Variants in CNGA1 observed in about 807,000 individuals in gnomAD.
CNGA1 encodes cyclic nucleotide-gated channel alpha-1.
Under a neutral mutation model 69.7 loss-of-function variants are expected in CNGA1, and 53 were observed. The ratio of observed to expected loss-of-function variants is 0.76; its 90% CI spans 0.61 to 0.96. CNGA1 has a LOEUF of 0.96. Among genes scored for constraint, CNGA1 ranks in the 40% least tolerant of loss-of-function variants. CNGA1 has a pLI of 0.00. For missense variants in CNGA1, 739 were observed against 811.2 expected, an observed-to-expected ratio of 0.91 and a Z score of 1.08; for synonymous variants, 249 against 283.5, an observed-to-expected ratio of 0.88 and a Z score of 1.22.
At chr4:48,012,636 T>C (rs1249008714) in intron 1 of CNGA1, among the ~76,000 whole-genome samples, 1 of 147,632 alleles carries the variant, frequency 6.8e-6, no homozygotes, top group Non-Finnish European at 1.5e-5. Flanking sequence ...AATTTGGAAC[T>C]TTCCTTTGGA....
chr4:47,987,143 AC>A (rs1033906376), intron 2 of CNGA1, among the ~76,000 whole-genome samples: 31 of 152,158 alleles, frequency 2.0e-4, no homozygotes, highest in Non-Finnish European at 4.3e-4. Flanking sequence ...TTAGTAGGCT[AC>A]TTTTAATCTT....
At chr4:47,962,897 AAAC>A (rs2110181328) in intron 3 of CNGA1, among the ~76,000 whole-genome samples, 1 of 152,358 alleles carries the variant, frequency 6.6e-6, no homozygotes, top group African/African-American at 2.4e-5. Flanking sequence ...CTGTTTAAGC[AAAC>A]AACACTAATT....
At chr4:47,971,772 T>C (rs1486629767) in intron 3 of CNGA1, among the ~76,000 whole-genome samples, 5 of 152,138 alleles carry the variant, frequency 3.3e-5, no homozygotes, top group Non-Finnish European at 7.3e-5. Flanking sequence ...CATGCGCCTG[T>C]AGTCCCAGCT....
At chr4:47,942,231 T>C (rs1739127381) in intron 8 of CNGA1, 83 bp from the exon 9 acceptor site, 7 of 857,224 alleles carry the variant, frequency 8.2e-6, no homozygotes, top group Non-Finnish European at 1.2e-5. Context: ...GTTATGCCCA[T>C]CAACCACAAT....
intron 4 of CNGA1, among the ~76,000 whole-genome samples, 177 bp from the exon 5 acceptor site, chr4:47,951,646 A>G (rs1264100497): frequency 1.3e-5 from 2 of 152,270 alleles, no homozygotes; most frequent in Non-Finnish European, 2.9e-5. Context: ...ATAGAATTAT[A>G]TAAAATATGT....
intron 2 of CNGA1, among the ~76,000 whole-genome samples, chr4:47,990,891 C>T (rs940648730): frequency 2.0e-5 from 3 of 152,154 alleles, no homozygotes; most frequent in Non-Finnish European, 4.4e-5. Context: ...CGAGAATATA[C>T]AATATTTGGT....
intron 2 of CNGA1, among the ~76,000 whole-genome samples, chr4:47,982,265 T>C (rs1046249417): frequency 7.9e-5 from 12 of 152,228 alleles, no homozygotes; most frequent in African/African-American, 2.9e-4. Flanking sequence ...TTCCATCTAT[T>C]AGCTCCAAAA....
chr4:48,009,105 G>A (rs1715038904), intron 2 of CNGA1, among the ~76,000 whole-genome samples: 1 of 152,180 alleles, frequency 6.6e-6, no homozygotes, highest in South Asian at 2.1e-4. Context: ...AAACAAAAAT[G>A]TATGCTGGCA....
At chr4:47,985,333 G>C (rs1317495947) in intron 2 of CNGA1, among the ~76,000 whole-genome samples, 1 of 151,960 alleles carries the variant, frequency 6.6e-6, no homozygotes, top group Non-Finnish European at 1.5e-5. Flanking sequence ...AATATACCAG[G>C]GTTAATTAGA....
chr4:47,990,255 T>C (rs1742199489), intron 2 of CNGA1, among the ~76,000 whole-genome samples: 1 of 151,868 alleles, frequency 6.6e-6, no homozygotes, highest in Non-Finnish European at 1.5e-5. Flanking sequence ...AGAAAGCGAG[T>C]AGGAGAAATA....
chr4:48,006,625 A>G (rs1714930199), intron 2 of CNGA1, among the ~76,000 whole-genome samples: 1 of 146,628 alleles, frequency 6.8e-6, no homozygotes, highest in African/African-American at 2.5e-5. Flanking sequence ...TCAAAAAAAG[A>G]CATAATTTTT....
rs574307427 is a variant in CNGA1, at chr4:47,945,976, T to C, written c.288-2564A>G. On this transcript the variant is annotated intron_variant, in intron 6 of 10. Transcript: ENST00000514170. ...GTATAAGTGTAATGTACATAATTCC[T>C]GAATACAAAAGGGAAATGTATATAG... is the stretch of plus-strand genomic sequence containing the variant. Among the ~76,000 whole-genome samples, 4 of 152,302 alleles carry C rather than the reference T, an allele frequency of 2.6e-5. No individual in the cohort carries two copies. In the East Asian group the frequency reaches 7.7e-4, roughly 29 times the overall value.
intron 1 of CNGA1, among the ~76,000 whole-genome samples, chr4:48,011,767 G>A (rs1303983085): frequency 6.6e-6 from 1 of 152,192 alleles, no homozygotes; most frequent in Admixed American, 6.5e-5. Flanking sequence ...CTTCCAGGCT[G>A]TAGGCAAATT....
chr4:48,000,344 C>T (rs1560312793), intron 2 of CNGA1, among the ~76,000 whole-genome samples: 5 of 150,548 alleles, frequency 3.3e-5, no homozygotes, highest in Admixed American at 3.3e-4. Context: ...CACTTCAAAG[C>T]AAATAAAAGC....
intron 1 of CNGA1, among the ~76,000 whole-genome samples, chr4:48,011,413 A>G (rs1281954790): frequency 1.7e-5 from 1 of 58,624 alleles, no homozygotes; most frequent in Non-Finnish European, 3.7e-5. Context: ...ATGCACACAT[A>G]CACACACACA....
At chr4:47,944,629 C>T (rs547808219) in intron 6 of CNGA1, among the ~76,000 whole-genome samples, 1 of 152,110 alleles carries the variant, frequency 6.6e-6, no homozygotes, top group African/African-American at 2.4e-5. Context: ...TGGAAGATAG[C>T]CTACCAGCTA....
At chr4:47,946,035 C>A (rs1038557161) in intron 6 of CNGA1, among the ~76,000 whole-genome samples, 3 of 152,222 alleles carry the variant, frequency 2.0e-5, no homozygotes, top group African/African-American at 7.2e-5. Flanking sequence ...CCCTACCCCA[C>A]TAGTTCCTTG....
intron 3 of CNGA1, among the ~76,000 whole-genome samples, chr4:47,954,672 T>A (rs541049913): frequency 9.3e-4 from 141 of 152,366 alleles, no homozygotes; most frequent in Non-Finnish European, 1.6e-3. Flanking sequence ...CTACTGGCCT[T>A]GATCACCTAG....
chr4:47,947,347 A>T (rs1293631143), intron 6 of CNGA1, among the ~76,000 whole-genome samples: 1 of 152,136 alleles, frequency 6.6e-6, no homozygotes, highest in Non-Finnish European at 1.5e-5. Flanking sequence ...GCACAGCTTC[A>T]AGCAGTATAC....
Sources: gnomAD v4.1 joint callset for allele counts (sites outside exome capture counted in the v4.1 genomes callset) on GRCh38, gnomAD v4.1.1 for gene constraint, MANE v1.5 for transcripts, NCBI Gene and HGNC (gene_info 2026-07-23, HGNC 2026-07-21) for gene names.